COL25A1: variants seen among roughly 807,000 people sequenced by gnomAD.
COL25A1 encodes collagen type XXV alpha 1 chain.
COL25A1 carries 103 observed loss-of-function variants against 128.4 expected under a neutral mutation model. The observed-to-expected ratio is 0.80, with a 90% CI of 0.68 to 0.94. The LOEUF (loss-of-function observed/expected upper bound fraction) is 0.94, where lower values mean the gene tolerates loss of function less well. Among genes scored for constraint, COL25A1 ranks in the 40% least tolerant of loss-of-function variants. COL25A1 has a pLI of 0.00. For synonymous variants in COL25A1, 279 were observed against 277.2 expected (o/e 1.01, Z -0.06); for missense variants, 745 against 840.0 (o/e 0.89, Z 1.40).
intron 3 of COL25A1, among the ~76,000 whole-genome samples, chr4:109,108,932 T>C (rs1766721956): frequency 6.6e-6 from 1 of 152,200 alleles, no homozygotes; most frequent in Admixed American, 6.5e-5. Context: ...TATTGAAATA[T>C]CTGCTTTATT....
At chr4:108,941,005 A>G (rs1748020779) in intron 9 of COL25A1, among the ~76,000 whole-genome samples, 2 of 152,228 alleles carry the variant, frequency 1.3e-5, no homozygotes, top group Non-Finnish European at 2.9e-5. Context: ...AAATGGCTGC[A>G]TTTATAGTTA....
At chr4:108,903,693 T>C (rs17039514) in intron 13 of COL25A1, among the ~76,000 whole-genome samples, 4,219 of 152,186 alleles carry the variant, frequency 0.028, 88 homozygotes, top group Middle Eastern at 0.058. Flanking sequence ...GTTCTGAGTT[T>C]TATTTGCTTT....
intron 5 of COL25A1, among the ~76,000 whole-genome samples, chr4:109,029,829 A>G (rs1446508529): frequency 1.3e-5 from 2 of 152,184 alleles, no homozygotes; most frequent in Non-Finnish European, 2.9e-5. Context: ...TCCTGCCTAC[A>G]ATATTCTTAA....
At chr4:108,980,611 T>G (rs1752882914) in intron 6 of COL25A1, among the ~76,000 whole-genome samples, 1 of 152,228 alleles carries the variant, frequency 6.6e-6, no homozygotes, top group Non-Finnish European at 1.5e-5. Context: ...TCACCACCAT[T>G]GAGCAGAAGC....
chr4:109,044,830 A>G (rs1036595266), intron 5 of COL25A1, among the ~76,000 whole-genome samples: 2 of 152,204 alleles, frequency 1.3e-5, no homozygotes, highest in African/African-American at 2.4e-5. Context: ...TAAAAGATAC[A>G]AAGTAGGACA....
intron 3 of COL25A1, among the ~76,000 whole-genome samples, chr4:109,221,762 G>T (rs889234268): frequency 2.6e-5 from 4 of 151,870 alleles, no homozygotes; most frequent in African/African-American, 9.7e-5. Context: ...TAGCTATCTT[G>T]GCCTTCCTTT....
intron 3 of COL25A1, among the ~76,000 whole-genome samples, chr4:109,266,013 T>G (rs958320033): frequency 7.0e-6 from 1 of 143,300 alleles, no homozygotes; most frequent in Admixed American, 7.2e-5. Flanking sequence ...AAACATTTCC[T>G]GTGTTAAAGT....
chr4:109,022,370 G>A (rs1582697), intron 5 of COL25A1, among the ~76,000 whole-genome samples: 77,198 of 152,078 alleles, frequency 0.51, 22,289 homozygotes, highest in African/African-American at 0.78. Context: ...TGAGGCAGTG[G>A]AATCATCAGC....
At chr4:108,961,592 TTC>T (rs1192352564) in intron 8 of COL25A1, among the ~76,000 whole-genome samples, 3 of 151,702 alleles carry the variant, frequency 2.0e-5, no homozygotes, top group Non-Finnish European at 2.9e-5. Context: ...TTCTGTTCTG[TTC>T]TGTTCTGTTC....
chr4:108,884,298 G>A (rs1375394617), intron 18 of COL25A1, 76 bp from the exon 19 acceptor site: 15 of 1,344,226 alleles, frequency 1.1e-5, no homozygotes, highest in Non-Finnish European at 1.4e-5. Context: ...CATGGCAAAT[G>A]TTCCTGGCTC....
intron 3 of COL25A1, among the ~76,000 whole-genome samples, chr4:109,187,205 AC>A (rs1487351951): frequency 3.8e-5 from 5 of 131,886 alleles, no homozygotes; most frequent in Admixed American, 2.3e-4. Context: ...CTCTCTACAC[AC>A]ACACACACAC....
chr4:109,299,882 C>G (rs1725340201), intron 3 of COL25A1, among the ~76,000 whole-genome samples: 1 of 152,032 alleles, frequency 6.6e-6, no homozygotes, highest in Non-Finnish European at 1.5e-5. Flanking sequence ...AATGATTACC[C>G]AGGGGTCTTA....
intron 3 of COL25A1, among the ~76,000 whole-genome samples, chr4:109,161,484 T>C (rs765879858): frequency 2.6e-5 from 4 of 152,110 alleles, no homozygotes; most frequent in African/African-American, 7.2e-5. Context: ...TGTTATAATA[T>C]AATTACCTGA....
At chr4:109,050,808 C>T (rs1014781177) in intron 3 of COL25A1, among the ~76,000 whole-genome samples, 2 of 151,582 alleles carry the variant, frequency 1.3e-5, no homozygotes, top group Non-Finnish European at 2.9e-5. Context: ...TCTACAAGGG[C>T]AAGTTCATTA....
intron 3 of COL25A1, among the ~76,000 whole-genome samples, chr4:109,177,588 CT>C (rs1416284038): frequency 1.3e-5 from 2 of 152,136 alleles, no homozygotes; most frequent in Non-Finnish European, 2.9e-5. Context: ...AGCCTATACT[CT>C]TCCCAGCCAA....
chr4:109,100,940 C>T (rs1164516809), intron 3 of COL25A1, among the ~76,000 whole-genome samples: 1 of 152,148 alleles, frequency 6.6e-6, no homozygotes, highest in African/African-American at 2.4e-5. Flanking sequence ...CACCCAAACT[C>T]AGGTTGGTTT....
At chr4:109,081,893 G>A (rs527933454) in intron 3 of COL25A1, among the ~76,000 whole-genome samples, 26 of 151,946 alleles carry the variant, frequency 1.7e-4, no homozygotes, top group Non-Finnish European at 3.5e-4. Flanking sequence ...TAGTAGAGAT[G>A]GGGTTTCACT....
At chr4:108,932,010 A>G (rs1746812019) in intron 11 of COL25A1, among the ~76,000 whole-genome samples, 1 of 152,212 alleles carries the variant, frequency 6.6e-6, no homozygotes. Context: ...AATCTAGTCT[A>G]ATAACTAACT....
intron 19 of COL25A1, among the ~76,000 whole-genome samples, chr4:108,883,815 A>C (rs1274538135): frequency 1.3e-5 from 2 of 152,328 alleles, no homozygotes; most frequent in East Asian, 3.9e-4. Flanking sequence ...CTTTATGGGG[A>C]TGTTAAGACT....
Sources: allele counts gnomAD v4.1 joint callset (sites outside exome capture counted in the v4.1 genomes callset), GRCh38; gene constraint gnomAD v4.1.1; transcripts MANE v1.5; gene names NCBI Gene and HGNC (gene_info 2026-07-23, HGNC 2026-07-21).